CA10: variants seen among roughly 807,000 people sequenced by gnomAD.
The protein encoded by CA10 is carbonic anhydrase 10 (inactive), also known as carbonic anhydrase-related protein 10.
Under a neutral mutation model 44.2 loss-of-function variants are expected in CA10, and 14 were observed. That is an observed-to-expected ratio of 0.32 (90% CI 0.21 to 0.50). CA10 has a LOEUF of 0.50. Ranked by LOEUF, CA10 falls within the 20% of genes least tolerant of loss-of-function variation. The pLI is 0.99. For synonymous variants in CA10, 159 were observed against 141.6 expected, an observed-to-expected ratio of 1.12 and a Z score of -0.87; for missense variants, 350 against 409.7, an observed-to-expected ratio of 0.85 and a Z score of 1.26.
At chr17:51,706,835 T>C (rs1414244545) in intron 4 of CA10, among the ~76,000 whole-genome samples, 4 of 152,164 alleles carry the variant, frequency 2.6e-5, no homozygotes, top group African/African-American at 9.7e-5. Context: ...CCTCTCTACC[T>C]AGAAACTTGC....
intron 3 of CA10, among the ~76,000 whole-genome samples, chr17:51,844,769 G>A (rs547634480): frequency 5.9e-5 from 9 of 152,278 alleles, no homozygotes; most frequent in Middle Eastern, 3.4e-3. Context: ...CTGGACTTAC[G>A]ACTTAGTGCT....
At chr17:51,901,138 G>A (rs202130) in intron 3 of CA10, among the ~76,000 whole-genome samples, 77,826 of 151,940 alleles carry the variant, frequency 0.51, 20,465 homozygotes, top group Non-Finnish European at 0.56. Flanking sequence ...ATCTGTATGG[G>A]CTGATGTTCC....
chr17:51,738,410 G>A (rs77677226), intron 4 of CA10, among the ~76,000 whole-genome samples: 2,595 of 152,188 alleles, frequency 0.017, 80 homozygotes, highest in African/African-American at 0.059. Flanking sequence ...GGGGAATGTG[G>A]GCGGGGGAGA....
chr17:51,923,802 C>G (rs1982321312), intron 3 of CA10, among the ~76,000 whole-genome samples: 1 of 152,060 alleles, frequency 6.6e-6, no homozygotes, highest in South Asian at 2.1e-4. Flanking sequence ...GTTCTTTTCC[C>G]CATGGGCCTT....
intron 3 of CA10, among the ~76,000 whole-genome samples, chr17:51,911,332 A>G (rs1405876751): frequency 6.6e-6 from 1 of 152,140 alleles, no homozygotes; most frequent in African/African-American, 2.4e-5. Flanking sequence ...TAACTTACTA[A>G]CACCCTGCCT....
At position 51,849,229 on chromosome 17, in the gene CA10, GTGTGTA is replaced by G. The variant is rs1567860449; in HGVS notation, c.279+81755_279+81760del. Among the ~76,000 whole-genome samples the G allele has an allele frequency of 9.5e-3, 266 of 27,932 alleles. 3 individuals carry two copies. Among genetic ancestry groups the G allele is most frequent in the African/African-American group, 0.035 (258 of 7,276 alleles). 18.3% of individuals were successfully genotyped at this position (27,932 alleles called of 152,430 possible). On this transcript the variant is annotated intron_variant, in intron 3 of 8. Transcript: ENST00000451037. ...TGTATATATATATATACATATATGT[GTGTGTA>G]TATATATATATATATATATATATAT... is the stretch of plus-strand genomic sequence containing the variant.
At chr17:52,031,623 C>T (rs1986470122) in intron 2 of CA10, among the ~76,000 whole-genome samples, 1 of 152,154 alleles carries the variant, frequency 6.6e-6, no homozygotes, top group Non-Finnish European at 1.5e-5. Context: ...AAAGCTCTAT[C>T]ATTTTCTAGT....
At chr17:51,721,464 A>G (rs1199818467) in intron 4 of CA10, among the ~76,000 whole-genome samples, 3 of 151,898 alleles carry the variant, frequency 2.0e-5, no homozygotes, top group Admixed American at 2.0e-4. Flanking sequence ...CCTTCCAAGT[A>G]ACTGGGATTA....
chr17:51,915,857 T>C (rs1051521310), intron 3 of CA10, among the ~76,000 whole-genome samples: 1 of 152,106 alleles, frequency 6.6e-6, no homozygotes, highest in Non-Finnish European at 1.5e-5. Context: ...GCAGTTGTCA[T>C]ATATTACACT....
At chr17:51,923,203 A>G (rs189178991) in intron 3 of CA10, among the ~76,000 whole-genome samples, 1 of 152,324 alleles carries the variant, frequency 6.6e-6, no homozygotes, top group African/African-American at 2.4e-5. Context: ...GTTATCCAAT[A>G]AAAACCAGCA....
chr17:51,923,473 A>T (rs1982309656), intron 3 of CA10, among the ~76,000 whole-genome samples: 1 of 152,198 alleles, frequency 6.6e-6, no homozygotes. Flanking sequence ...TACCGCTATT[A>T]TCTCAAATAG....
intron 4 of CA10, among the ~76,000 whole-genome samples, chr17:51,703,392 G>A (rs1471652823): frequency 3.3e-5 from 5 of 152,092 alleles, no homozygotes; most frequent in Admixed American, 6.5e-5. Context: ...AACTGGGAGT[G>A]TCCCTAGCAG....
At chr17:51,972,380 G>T (rs1167442009) in intron 2 of CA10, among the ~76,000 whole-genome samples, 3 of 151,854 alleles carry the variant, frequency 2.0e-5, no homozygotes, top group Non-Finnish European at 4.4e-5. Context: ...ATTATCGATG[G>T]TATTCTAAAC....
chr17:52,111,907 T>G (rs934282482), intron 1 of CA10, among the ~76,000 whole-genome samples: 22 of 152,136 alleles, frequency 1.4e-4, no homozygotes, highest in Admixed American at 8.5e-4. Flanking sequence ...TACTTTTATC[T>G]AATACTCTCT....
At chr17:51,972,844 A>G (rs1204846160) in intron 2 of CA10, among the ~76,000 whole-genome samples, 1 of 152,172 alleles carries the variant, frequency 6.6e-6, no homozygotes, top group Non-Finnish European at 1.5e-5. Flanking sequence ...TCAAAACATG[A>G]AGGCCAGCTT....
At chr17:51,923,464 A>G (rs1055567269) in intron 3 of CA10, among the ~76,000 whole-genome samples, 26 of 152,110 alleles carry the variant, frequency 1.7e-4, no homozygotes, top group Admixed American at 6.6e-5. Context: ...TAATATCTAT[A>G]CCGCTATTAT....
At chr17:51,890,310 T>C (rs1039389116) in intron 3 of CA10, among the ~76,000 whole-genome samples, 1 of 152,200 alleles carries the variant, frequency 6.6e-6, no homozygotes, top group Admixed American at 6.5e-5. Flanking sequence ...CCATGACATC[T>C]GCAGATGTTG....
At chr17:51,666,389 A>G (rs1007630634) in intron 4 of CA10, among the ~76,000 whole-genome samples, 1 of 152,236 alleles carries the variant, frequency 6.6e-6, no homozygotes, top group Admixed American at 6.5e-5. Context: ...GTGGAAAGTC[A>G]TCCAAAGTTT....
At chr17:52,029,732 C>CAAGAA (rs921895447) in intron 2 of CA10, among the ~76,000 whole-genome samples, 4 of 152,040 alleles carry the variant, frequency 2.6e-5, no homozygotes, top group East Asian at 1.9e-4. Flanking sequence ...TTGACTCTCT[C>CAAGAA]AAGAAAAGAA....
Sources: allele counts gnomAD v4.1 joint callset (sites outside exome capture counted in the v4.1 genomes callset), GRCh38; gene constraint gnomAD v4.1.1; transcripts MANE v1.5; gene names NCBI Gene and HGNC (gene_info 2026-07-23, HGNC 2026-07-21).